The following SLC35E1 variants were observed in gnomAD, a reference collection of about 807,000 sequenced individuals.
SLC35E1 encodes solute carrier family 35, member E1.
SLC35E1 carries 12 observed loss-of-function variants against 31.0 expected under a neutral mutation model. The ratio of observed to expected loss-of-function variants is 0.39; its 90% CI spans 0.25 to 0.63. SLC35E1 has a LOEUF of 0.63. Among genes scored for constraint, SLC35E1 ranks in the 20% least tolerant of loss-of-function variants. The pLI, the probability that SLC35E1 is intolerant of heterozygous loss-of-function variation, is 0.52. For synonymous variants in SLC35E1, 257 were observed against 264.1 expected (o/e 0.97, Z 0.26); for missense variants, 429 against 572.2 (o/e 0.75, Z 2.55).
intron 5 of SLC35E1, among the ~76,000 whole-genome samples, chr19:16,554,843 A>G (rs931118917): frequency 1.1e-4 from 17 of 151,256 alleles, no homozygotes; most frequent in Admixed American, 9.9e-4. Flanking sequence ...AAAAAAAAGA[A>G]AAGGAAAAGA....
intron 4 of SLC35E1, among the ~76,000 whole-genome samples, chr19:16,560,363 T>C (rs925406437): frequency 1.3e-5 from 2 of 151,924 alleles, no homozygotes; most frequent in African/African-American, 2.4e-5. Context: ...CACCCCCATT[T>C]GAGGGTCAAG....
intron 5 of SLC35E1, among the ~76,000 whole-genome samples, 184 bp from the exon 6 acceptor site, chr19:16,554,093 C>T (rs1280047286): frequency 6.6e-6 from 1 of 151,420 alleles, no homozygotes. Flanking sequence ...GGCAAAACCC[C>T]GTCTCTACTA....
rs1386225284 is a variant in SLC35E1, at chr19:16,549,876, G to A, written c.*3803C>T. 1 of 152,200 alleles carries A rather than the reference G, an allele frequency of 6.6e-6. No individual in the cohort carries two copies. Among genetic ancestry groups the A allele is most frequent in the African/African-American group, 2.4e-5 (1 of 41,456 alleles). 9.4% of individuals were successfully genotyped at this position (152,200 alleles called of 1,614,324 possible). A position where few individuals can be genotyped will look rare whatever the true frequency, so the allele number is the denominator to read the frequency against. ...TCATTTATTTTTGGTAAATGCCAGT[G>A]AGGAATATACACGTCATTCCTGCAG... On this transcript the variant is annotated 3_prime_UTR_variant, in exon 6 of 6. Coordinates refer to ENST00000595753, the MANE Select transcript of SLC35E1 (RefSeq NM_024881.5).
At chr19:16,559,741 G>A (rs925468408) in intron 4 of SLC35E1, among the ~76,000 whole-genome samples, 5 of 152,172 alleles carry the variant, frequency 3.3e-5, no homozygotes, top group Non-Finnish European at 5.9e-5. Flanking sequence ...GCTCCTTGGA[G>A]CACGATGGTA....
At position 16,555,357 on chromosome 19, in the gene SLC35E1, G is replaced by C; in HGVS notation, c.797C>G (p.Ala266Gly). The C allele has an allele frequency of 6.2e-7, 1 of 1,614,092 alleles. No homozygotes were observed. Among genetic ancestry groups the C allele is most frequent in the South Asian group, 1.1e-5 (1 of 91,082 alleles). ...YQWPWTLLLL[A>G]VSGFCNFAQN... ...GGCAAAGTTACAGAAGCCGCTGACA[G>C]CCAGGAGCAGGAGCGTCCAGGGCCA... The change falls in exon 5 of 6, where the codon GCT (alanine) becomes GGT (glycine). Residue 266 changes from alanine (A) to glycine (G), a missense_variant. Ala to Gly is a moderately conservative substitution (Grantham distance 60). Transcript: ENST00000595753. This position sits in a 1 kb window ranked among gnomAD's most constrained non-coding sequence, Gnocchi z 4.1.
At chr19:16,565,297 G>C in intron 4 of SLC35E1, 2 of 347,328 alleles carry the variant, frequency 5.8e-6, no homozygotes, top group Non-Finnish European at 1.1e-5. Context: ...TGCAAACTCT[G>C]CCTCCTGGGT....
rs1054819488 is a variant in SLC35E1 at position 16,550,936 on chromosome 19, C to A, written c.*2743G>T. 1 of 152,108 alleles carries A rather than the reference C, an allele frequency of 6.6e-6. No homozygotes were observed. Among genetic ancestry groups the A allele is most frequent in the Non-Finnish European group, 1.5e-5 (1 of 68,028 alleles). The allele number at this position is 152,108 out of a possible 1,614,324, so 9.4% of individuals were successfully genotyped here. A position where few individuals can be genotyped will look rare whatever the true frequency, so the allele number is the denominator to read the frequency against. On this transcript the variant is annotated 3_prime_UTR_variant, in exon 6 of 6. Transcript: ENST00000595753. Reference sequence around the variant, plus strand: ...CATTTCCCGTCACCAGCAGATCTTGCATTGGAAAAGGAAAATAATATACAA... The same window carrying A: ...CATTTCCCGTCACCAGCAGATCTTGAATTGGAAAAGGAAAATAATATACAA...
At chr19:16,571,110 A>C (rs1157231323) in intron 2 of SLC35E1, among the ~76,000 whole-genome samples, 1 of 151,928 alleles carries the variant, frequency 6.6e-6, no homozygotes, top group East Asian at 1.9e-4. Context: ...AAAAAAAAAA[A>C]AAAGTGAACA....
intron 4 of SLC35E1, among the ~76,000 whole-genome samples, chr19:16,564,797 A>G (rs1183194956): frequency 6.6e-6 from 1 of 152,216 alleles, no homozygotes; most frequent in Non-Finnish European, 1.5e-5. Flanking sequence ...ACAGTTAAGC[A>G]TTAAACTGCC....
intron 4 of SLC35E1, among the ~76,000 whole-genome samples, chr19:16,559,994 A>G (rs2085896516): frequency 6.6e-6 from 1 of 152,128 alleles, no homozygotes; most frequent in African/African-American, 2.4e-5. Flanking sequence ...TGCAGGCTTG[A>G]CCAGCCTTCT....
Position 16,571,561 on chromosome 19 carries a change from C to A in SLC35E1, c.443G>T (p.Trp148Leu). ...AHTVKATMPI[W>L]VVLLSRIIMK... ...AATGATCCGGGACAGGAGGACCACC[C>A]AGATGGGCATGGTGGCCTTGACTGC... The change falls in exon 2 of 6, where the codon TGG becomes TTG. Residue 148 changes from tryptophan to leucine, a missense_variant. By Grantham distance (61) the Trp-to-Leu change is moderately conservative (BLOSUM62 -2). Coordinates refer to ENST00000595753, the MANE Select transcript of SLC35E1 (RefSeq NM_024881.5). The A allele has an allele frequency of 6.2e-7, 1 of 1,613,922 alleles. No individual in the cohort carries two copies. The highest frequency in any genetic ancestry group is 1.1e-5 in the South Asian group (1 of 91,068).
At position 16,571,975 on chromosome 19, in the gene SLC35E1, G is replaced by A. The variant is rs1473037867; in HGVS notation, c.390C>T (p.Ile130=). The A allele has an allele frequency of 6.5e-7, 1 of 1,547,398 alleles. No homozygotes were observed. ...GTGCATAGGACACGGGCACCTTCCA[G>A]ATGCTGACGTGCGCTGACACGGACG... ...YFASVSAHVS[I]WKVPVSYAHT... is the part of the protein sequence containing the mutation. Residue 130 remains isoleucine, a synonymous_variant, in exon 1 of 6, where the codon ATC becomes ATT. Coordinates refer to ENST00000595753, the MANE Select transcript of SLC35E1 (RefSeq NM_024881.5).
intron 2 of SLC35E1, among the ~76,000 whole-genome samples, chr19:16,569,879 G>A (rs77592861): frequency 0.052 from 7,952 of 152,276 alleles, 285 homozygotes; most frequent in South Asian, 0.065. Flanking sequence ...GATAGGAGAG[G>A]TGGAGATTTT....
rs2122321017 is a variant in SLC35E1, at chr19:16,553,890, T to C, written c.1022A>G (p.Gln341Arg). 2 of 1,610,856 alleles carry C rather than the reference T, an allele frequency of 1.2e-6. No individual in the cohort carries two copies. Among genetic ancestry groups the C allele is most frequent in the East Asian group, 4.5e-5 (2 of 44,770 alleles). Residue 341 changes from glutamine (Q) to arginine (R), a missense_variant, in exon 6 of 6, where the codon CAG becomes CGG. Transcript: ENST00000595753. ...LYNKTKYDANQQARKHLLPVT... is the reference protein window; with the variant it reads ...LYNKTKYDANRQARKHLLPVT... ...GGGGAGGAGGTGCTTCCTGGCTTGC[T>C]GGTTTGCATCGTACTTGGTCTGTGC...
At chr19:16,563,641 C>G (rs527571224) in intron 4 of SLC35E1, among the ~76,000 whole-genome samples, 2 of 152,150 alleles carry the variant, frequency 1.3e-5, no homozygotes, top group African/African-American at 2.4e-5. Context: ...GCCACCACAC[C>G]AGATAATTTT....
chr19:16,570,913 T>C (rs2085954696), intron 2 of SLC35E1, among the ~76,000 whole-genome samples: 1 of 151,940 alleles, frequency 6.6e-6, no homozygotes, highest in Admixed American at 6.6e-5. Context: ...CCTGGCAACA[T>C]GGTGAAACCC....
At chr19:16,556,686 T>C (rs1038300631) in intron 4 of SLC35E1, among the ~76,000 whole-genome samples, 7 of 152,210 alleles carry the variant, frequency 4.6e-5, no homozygotes, top group African/African-American at 1.4e-4. Context: ...CACTGCCCTG[T>C]AGGCCAATTT....
rs541103382 is a variant in SLC35E1 at position 16,558,855 on chromosome 19, C to T, written c.757-3458G>A. Reference sequence around the variant, plus strand: ...CATGGTCTTGGCTCACTGCAACCTCCGCCTCCCACGTTCAAGCAGTTCTCC... The same window carrying T: ...CATGGTCTTGGCTCACTGCAACCTCTGCCTCCCACGTTCAAGCAGTTCTCC... On this transcript the variant is annotated intron_variant, in intron 4 of 5. Transcript: ENST00000595753. 4.6e-4 allele frequency among the ~76,000 whole-genome samples: 69 copies of T among 150,624 alleles called. No individual in the cohort carries two copies. The East Asian group carries it at 0.013, about 28-fold the overall frequency.
intron 4 of SLC35E1, among the ~76,000 whole-genome samples, chr19:16,560,848 T>G (rs1474138577): frequency 2.8e-5 from 3 of 108,124 alleles, no homozygotes; most frequent in East Asian, 2.6e-4. Flanking sequence ...GGTGACAGAG[T>G]GAGACTCCAT....
Sources: allele counts gnomAD v4.1 joint callset (sites outside exome capture counted in the v4.1 genomes callset), GRCh38; gene constraint gnomAD v4.1.1; non-coding constraint Gnocchi (gnomAD v3.1); transcripts MANE v1.5; gene names NCBI Gene and HGNC (gene_info 2026-07-23, HGNC 2026-07-21).